DCHS2: variants seen among roughly 807,000 people sequenced by gnomAD.
The protein encoded by DCHS2 is dachsous cadherin-related 2, also known as protocadherin-23.
Under a neutral mutation model 182.4 loss-of-function variants are expected in DCHS2, and 142 were observed. The ratio of observed to expected loss-of-function variants is 0.78; its 90% confidence interval spans 0.68 to 0.89. DCHS2 has a LOEUF of 0.89. Among genes scored for constraint, DCHS2 ranks in the 40% least tolerant of loss-of-function variants. The pLI is 0.00. For missense variants in DCHS2, 4,319 were observed against 4,198.6 expected (o/e 1.03, Z -0.79); for synonymous variants, 1,740 against 1,663.3 (o/e 1.05, Z -1.12).
At position 154,304,883 on chromosome 4, in the gene DCHS2, C is replaced by T. The variant is rs373849371; in HGVS notation, c.5396-5G>A. ...ATCCCCCATCTCGTACTAGTACTGA[C>T]ACAGAACACAAAGACGGTATGAATT... On this transcript the variant is annotated splice_region_variant and splice_polypyrimidine_tract_variant and intron_variant, in intron 11 of 19. Transcript: ENST00000357232. The T allele has an allele frequency of 6.2e-7, 1 of 1,601,642 alleles. No homozygotes were observed. Among genetic ancestry groups the T allele is most frequent in the Non-Finnish European group, 8.5e-7 (1 of 1,174,262 alleles).
chr4:154,283,121 T>C (rs1196431864), intron 13 of DCHS2, among the ~76,000 whole-genome samples: 2 of 152,178 alleles, frequency 1.3e-5, no homozygotes, highest in African/African-American at 2.4e-5. Context: ...CAGTTAACAC[T>C]GTCGTAGACT....
intron 13 of DCHS2, among the ~76,000 whole-genome samples, chr4:154,287,208 G>C (rs912259775): frequency 6.6e-6 from 1 of 152,106 alleles, no homozygotes; most frequent in Non-Finnish European, 1.5e-5. Context: ...AAATCCTATG[G>C]GGAGTATTTC....
intron 1 of DCHS2, among the ~76,000 whole-genome samples, chr4:154,464,211 A>G (rs536476884): frequency 6.6e-6 from 1 of 152,322 alleles, no homozygotes; most frequent in South Asian, 2.1e-4. Context: ...AAACAGCCAT[A>G]CTGAAACATA....
intron 3 of DCHS2, chr4:154,343,345 C>T (rs2111389710): frequency 1.1e-6 from 1 of 897,398 alleles, no homozygotes; most frequent in East Asian, 3.0e-5. Context: ...AGTCAGCCTG[C>T]CCTTTTAAGT....
intron 13 of DCHS2, among the ~76,000 whole-genome samples, chr4:154,282,481 G>A (rs540145443): frequency 6.6e-6 from 1 of 151,652 alleles, no homozygotes; most frequent in Admixed American, 6.6e-5. Context: ...CATTAGGATG[G>A]CATTTATTTT....
intron 4 of DCHS2, chr4:154,334,398 G>A (rs1354864541): frequency 6.5e-6 from 1 of 153,976 alleles, no homozygotes; most frequent in African/African-American, 2.4e-5. Context: ...CAAATTGGTA[G>A]CAAATGTAAA....
chr4:154,421,082 A>G (rs1331208067), intron 1 of DCHS2, among the ~76,000 whole-genome samples: 1 of 152,208 alleles, frequency 6.6e-6, no homozygotes, highest in Admixed American at 6.5e-5. Flanking sequence ...TTTTGTTGAC[A>G]TAGATGCTAT....
intron 19 of DCHS2, 44 bp downstream of exon 19, chr4:154,239,126 G>A (rs756098901): frequency 4.4e-6 from 7 of 1,578,134 alleles, no homozygotes; most frequent in Non-Finnish European, 6.0e-6. Flanking sequence ...TTTCTACTTT[G>A]AAACCCAAAC....
rs1735391069 is a variant in DCHS2 at position 154,305,106 on chromosome 4, T to C, written c.5386A>G (p.Thr1796Ala). The C allele has an allele frequency of 1.2e-6, 2 of 1,609,650 alleles. No individual in the cohort carries two copies. The highest frequency in any genetic ancestry group is 1.7e-6 in the Non-Finnish European group (2 of 1,178,840). Residue 1796 changes from threonine (T) to alanine (A), a missense_variant, in exon 11 of 20, where the codon ACC (threonine) becomes GCC (alanine). Transcript: ENST00000357232. ...ILDREIQEVFTLRVLVRDGGF... is the reference protein window; with the variant it reads ...ILDREIQEVFALRVLVRDGGF... ...TCAAAGAATCCCTTACCTCGAAGGG[T>C]GAAGACTTCTTGAATTTCTCTGTCA...
At chr4:154,277,367 C>T (rs1733897222) in intron 13 of DCHS2, among the ~76,000 whole-genome samples, 1 of 152,110 alleles carries the variant, frequency 6.6e-6, no homozygotes, top group South Asian at 2.1e-4. Context: ...AACTCAGTGG[C>T]TTACCGCAGT....
chr4:154,337,417 A>G lies in DCHS2; in HGVS notation c.2477-2313T>C, dbSNP rs115058956. Among the ~76,000 whole-genome samples the G allele has an allele frequency of 4.4e-3, 665 of 152,246 alleles. 5 individuals carry two copies. Among genetic ancestry groups the G allele is most frequent in the African/African-American group, 0.016 (644 of 41,526 alleles). ...CATCCCGACTGACTCCTTCTGAACT[A>G]TTTTTATATTTGTGTTAGACCAGTC... is the stretch of plus-strand genomic sequence containing the variant. On this transcript the variant is annotated intron_variant, in intron 3 of 19. Transcript: ENST00000357232.
intron 14 of DCHS2, among the ~76,000 whole-genome samples, chr4:154,259,972 G>A (rs750136619): frequency 5.3e-4 from 81 of 151,926 alleles, no homozygotes; most frequent in Non-Finnish European, 1.0e-3. Context: ...ACAGGAACCC[G>A]CCACCATGCC....
intron 1 of DCHS2, among the ~76,000 whole-genome samples, chr4:154,471,637 C>T (rs1478333346): frequency 6.6e-6 from 1 of 152,150 alleles, no homozygotes; most frequent in Non-Finnish European, 1.5e-5. Flanking sequence ...GGACATCTGT[C>T]TCAGAGAGCA....
intron 3 of DCHS2, among the ~76,000 whole-genome samples, chr4:154,344,893 G>A (rs1284143109): frequency 6.6e-6 from 1 of 152,202 alleles, no homozygotes; most frequent in East Asian, 1.9e-4. Flanking sequence ...AAGGAGGCCT[G>A]GTGAGGGCAG....
At chr4:154,408,072 A>G (rs894992252) in intron 1 of DCHS2, among the ~76,000 whole-genome samples, 1 of 152,060 alleles carries the variant, frequency 6.6e-6, no homozygotes, top group Non-Finnish European at 1.5e-5. Flanking sequence ...CTCTGTACGT[A>G]TTTGATATGG....
chr4:154,326,583 C>T (rs1248221164), intron 7 of DCHS2, among the ~76,000 whole-genome samples: 19 of 152,122 alleles, frequency 1.2e-4, no homozygotes, highest in Non-Finnish European at 1.5e-5. Context: ...TTTAATAAGA[C>T]TCATCTTTGA....
At chr4:154,329,113 C>T (rs1268226158) in intron 6 of DCHS2, among the ~76,000 whole-genome samples, 1 of 152,156 alleles carries the variant, frequency 6.6e-6, no homozygotes, top group African/African-American at 2.4e-5. Context: ...GGATTTCCAC[C>T]TACCCACTTT....
At chr4:154,393,837 G>A (rs980655605) in intron 1 of DCHS2, among the ~76,000 whole-genome samples, 3 of 152,090 alleles carry the variant, frequency 2.0e-5, no homozygotes, top group African/African-American at 7.2e-5. Context: ...CTACAAGGAT[G>A]AGGACTGACT....
chr4:154,319,762 T>C (rs1214218425), intron 9 of DCHS2, among the ~76,000 whole-genome samples: 1 of 151,428 alleles, frequency 6.6e-6, no homozygotes, highest in Non-Finnish European at 1.5e-5. Flanking sequence ...ACAGCCACTA[T>C]GGAAAATAGT....
Sources: allele counts gnomAD v4.1 joint callset (sites outside exome capture counted in the v4.1 genomes callset), GRCh38; gene constraint gnomAD v4.1.1; transcripts MANE v1.5; gene names NCBI Gene and HGNC (gene_info 2026-07-23, HGNC 2026-07-21).